Variants in SCFD1 observed in about 807,000 individuals in gnomAD.
The protein encoded by SCFD1 is sec1 family domain containing 1.
SCFD1 carries 37 observed loss-of-function variants against 103.2 expected under a neutral mutation model. The observed-to-expected ratio is 0.36, with a 90% CI of 0.28 to 0.47. SCFD1 has a LOEUF of 0.47. Among genes scored for constraint, SCFD1 ranks in the 20% least tolerant of loss-of-function variants. SCFD1 has a pLI of 1.00. For synonymous variants in SCFD1, 264 were observed against 245.0 expected, an observed-to-expected ratio of 1.08 and a Z score of -0.73; for missense variants, 639 against 761.2, an observed-to-expected ratio of 0.84 and a Z score of 1.89.
intron 18 of SCFD1, chr14:30,707,764 A>G (rs566874154): frequency 2.3e-4 from 131 of 560,546 alleles, no homozygotes; most frequent in Non-Finnish European, 3.8e-4. Flanking sequence ...TTTAATAATT[A>G]TTGACTAATC....
chr14:30,698,587 T>C (rs137931074), intron 15 of SCFD1, among the ~76,000 whole-genome samples: 61 of 152,308 alleles, frequency 4.0e-4, no homozygotes, highest in African/African-American at 1.3e-3. Flanking sequence ...CTTCCTCTTG[T>C]ATATTAGGAT....
chr14:30,650,353 C>T (rs149192291), intron 8 of SCFD1, among the ~76,000 whole-genome samples: 366 of 152,250 alleles, frequency 2.4e-3, no homozygotes, highest in Admixed American at 3.9e-3. Context: ...ACATCAGGCC[C>T]GACTCACAGT....
chr14:30,668,627 A>T lies in SCFD1; in HGVS notation c.856-1629A>T, dbSNP rs890080464. Among the ~76,000 whole-genome samples, 3 of 152,336 alleles carry T rather than the reference A, an allele frequency of 2.0e-5. No homozygotes were observed. The East Asian group carries it at 5.8e-4, about 29-fold the overall frequency. The stretch of plus-strand genomic sequence containing the variant: ...GTGAACAGGCGGCCTACAGAATGGG[A>T]GAAAATTTTTACAATCTACCCATCT... On this transcript the variant is annotated intron_variant, in intron 10 of 24. Coordinates refer to ENST00000458591, the MANE Select transcript of SCFD1 (RefSeq NM_016106.4).
intron 17 of SCFD1, among the ~76,000 whole-genome samples, chr14:30,705,164 T>C (rs1330523465): frequency 6.6e-6 from 1 of 152,132 alleles, no homozygotes; most frequent in Non-Finnish European, 1.5e-5. Flanking sequence ...ATAATATAAC[T>C]AAAGGGAAAA....
At chr14:30,650,188 A>G (rs1886265931) in intron 8 of SCFD1, among the ~76,000 whole-genome samples, 1 of 152,130 alleles carries the variant, frequency 6.6e-6, no homozygotes, top group Non-Finnish European at 1.5e-5. Flanking sequence ...ACCCACCACT[A>G]CTTTGTTCAC....
At chr14:30,732,233 A>G (rs1305270358) in intron 23 of SCFD1, among the ~76,000 whole-genome samples, 4 of 152,158 alleles carry the variant, frequency 2.6e-5, no homozygotes, top group Non-Finnish European at 2.9e-5. Context: ...AAGTTTCTAT[A>G]TACAAGATCA....
At position 30,675,005 on chromosome 14, in the gene SCFD1, G is replaced by GA. The variant is rs1340589869; in HGVS notation, c.1189dup (p.Arg397LysfsTer4). 8 of 1,580,684 alleles carry GA rather than the reference G, an allele frequency of 5.1e-6. No individual in the cohort carries two copies. Among genetic ancestry groups the GA allele is most frequent in the Admixed American group, 1.9e-5 (1 of 53,430 alleles). On this transcript the variant is annotated frameshift_variant, in exon 14 of 25. Coordinates refer to ENST00000458591, the MANE Select transcript of SCFD1 (RefSeq NM_016106.4). LOFTEE classifies it high-confidence loss of function. ...GCAGTTCTTTGCCAGAACTCCTTGAGAAAAAAAGACTTATTGATCTCCATA... is the reference window on the plus strand; with the variant it reads ...GCAGTTCTTTGCCAGAACTCCTTGAGAAAAAAAAGACTTATTGATCTCCATA...
chr14:30,672,109 A>G (rs113718072), intron 11 of SCFD1, among the ~76,000 whole-genome samples: 1 of 152,054 alleles, frequency 6.6e-6, no homozygotes. Flanking sequence ...TTCTCTGTTA[A>G]CTCTGAGACC....
intron 1 of SCFD1, among the ~76,000 whole-genome samples, chr14:30,624,383 A>G (rs1883172766): frequency 6.6e-6 from 1 of 152,130 alleles, no homozygotes. Context: ...CCAGGTTTAT[A>G]TCCCTAGTCT....
intron 15 of SCFD1, 116 bp from the exon 16 acceptor site, chr14:30,700,072 C>A: frequency 1.5e-6 from 1 of 685,072 alleles, no homozygotes; most frequent in Non-Finnish European, 2.5e-6. Flanking sequence ...AATCAAGAGC[C>A]ATGTTTTGTT....
chr14:30,729,635 T>C (rs1397331533), intron 23 of SCFD1, among the ~76,000 whole-genome samples: 4 of 152,238 alleles, frequency 2.6e-5, no homozygotes, highest in African/African-American at 9.6e-5. Flanking sequence ...ATGTGAGTCC[T>C]ACTTTATTGT....
chr14:30,701,225 C>T (rs1891056512), intron 16 of SCFD1, among the ~76,000 whole-genome samples: 1 of 152,126 alleles, frequency 6.6e-6, no homozygotes, highest in East Asian at 1.9e-4. Context: ...CTGATATTTG[C>T]TCTCAGCCAT....
chr14:30,673,202 A>C (rs1888711889), intron 11 of SCFD1, 55 bp from the exon 12 acceptor site: 3 of 765,666 alleles, frequency 3.9e-6, no homozygotes, highest in Admixed American at 2.5e-5. Flanking sequence ...TAGAATTTAC[A>C]CAAAAATTGG....
intron 19 of SCFD1, among the ~76,000 whole-genome samples, chr14:30,712,920 T>C (rs1020644166): frequency 6.6e-6 from 1 of 152,222 alleles, no homozygotes; most frequent in African/African-American, 2.4e-5. Context: ...ATACCCCTTT[T>C]ACTGAAGCAC....
At chr14:30,657,931 G>T (rs983381911) in intron 10 of SCFD1, among the ~76,000 whole-genome samples, 1 of 151,434 alleles carries the variant, frequency 6.6e-6, no homozygotes, top group Admixed American at 6.6e-5. Flanking sequence ...TCAGAAAGAT[G>T]ATTTTTCTCA....
chr14:30,727,328 T>A (rs1893116158), intron 23 of SCFD1, among the ~76,000 whole-genome samples: 1 of 152,222 alleles, frequency 6.6e-6, no homozygotes, highest in South Asian at 2.1e-4. Flanking sequence ...AACAAAATCG[T>A]TTGTGTGCAT....
Position 30,630,562 on chromosome 14 carries a change from A to G in SCFD1, c.218A>G (p.His73Arg), listed in dbSNP as rs765449151. 14 of 1,553,388 alleles carry G rather than the reference A, an allele frequency of 9.0e-6. No homozygotes were observed. Among genetic ancestry groups the G allele is most frequent in the Non-Finnish European group, 1.2e-5 (13 of 1,126,630 alleles). Residue 73 changes from histidine to arginine, a missense_variant, in exon 3 of 25, where the codon CAT becomes CGT. Physicochemically the swap from His to Arg is conservative, Grantham distance 29. Transcript: ENST00000458591. ...KELRDMGITL[H>R]LLLHSDRDPI... Reference sequence around the variant, plus strand: ...CTAAGAGACATGGGAATCACTCTGCATCTGTGAGTTTTTACATATTTCTAA... The same window carrying G: ...CTAAGAGACATGGGAATCACTCTGCGTCTGTGAGTTTTTACATATTTCTAA...
chr14:30,656,623 A>G (rs1886930307), intron 10 of SCFD1, among the ~76,000 whole-genome samples: 1 of 152,142 alleles, frequency 6.6e-6, no homozygotes, highest in East Asian at 1.9e-4. Context: ...TTACAGGCTG[A>G]CAACATGAGT....
At chr14:30,683,058 C>T (rs1277532549) in intron 14 of SCFD1, 2 of 1,372,850 alleles carry the variant, frequency 1.5e-6, no homozygotes, top group Non-Finnish European at 2.1e-6. Context: ...GGGCTCCTGA[C>T]TGGTGACCTG....
Sources: gnomAD v4.1 joint callset for allele counts (sites outside exome capture counted in the v4.1 genomes callset) on GRCh38, gnomAD v4.1.1 for gene constraint, MANE v1.5 for transcripts, NCBI Gene and HGNC (gene_info 2026-07-23, HGNC 2026-07-21) for gene names.